Variants in PALMD observed in about 807,000 individuals in gnomAD.
The protein encoded by PALMD is paralemmin-like protein.
In PALMD, 42 loss-of-function variants were observed where a neutral mutation model predicts 56.2. The ratio of observed to expected loss-of-function variants is 0.75; its 90% CI spans 0.58 to 0.97. The LOEUF is 0.97. Among genes scored for constraint, PALMD ranks in the 50% least tolerant of loss-of-function variants. The pLI is 0.00. For synonymous variants in PALMD, 242 were observed against 222.9 expected (o/e 1.09, Z -0.76); for missense variants, 660 against 643.8 (o/e 1.03, Z -0.27).
At position 99,683,142 on chromosome 1, in the gene PALMD, GAAAGAAAGAAAGAAAGAAAGAAAGAAAC is replaced by G. The variant is rs1557674075; in HGVS notation, c.252-3533_252-3506del. 8.4e-4 allele frequency: 104 copies of G among 123,624 alleles called. 2 individuals carry two copies. The highest frequency in any genetic ancestry group is 4.4e-3 in the Middle Eastern group (1 of 226). The allele number at this position is 123,624 out of a possible 1,614,324, so 7.7% of individuals were successfully genotyped here. A position where few individuals can be genotyped will look rare whatever the true frequency, so the allele number is the denominator to read the frequency against. ...AGAAAGAAAGAAAGAAAGAAAGAAA[GAAAGAAAGAAAGAAAGAAAGAAAGAAAC>G]GAACACCCTATGAAGTTGTTAACAT... On this transcript the variant is annotated intron_variant, in intron 3 of 7. Transcript: ENST00000263174.
In PALMD at chr1:99,687,111, C is replaced by A; in HGVS notation, c.436C>A (p.Leu146Ile). The part of the protein sequence containing the change: ...IEDIYANIPD[L>I]PKSYIPSRLR... ...GGACATCTATGCTAATATCCCTGAC[C>A]TTCCAAAGTCCTACATACCTTCTAG... Residue 146 changes from leucine (L) to isoleucine (I), a missense_variant, in exon 6 of 8, where the codon CTT becomes ATT. Leu to Ile is a conservative substitution (Grantham distance 5). Coordinates refer to ENST00000263174, the MANE Select transcript of PALMD (RefSeq NM_017734.5). 1 of 1,604,140 alleles carries A rather than the reference C, an allele frequency of 6.2e-7. No individual in the cohort carries two copies. Among genetic ancestry groups the A allele is most frequent in the South Asian group, 1.1e-5 (1 of 90,642 alleles).
Position 99,689,000 on chromosome 1 carries a change from CAG to C in PALMD, c.746_747del (p.Arg249LysfsTer3), listed in dbSNP as rs778520488. The C allele has an allele frequency of 1.9e-6, 3 of 1,613,728 alleles. No individual in the cohort carries two copies. In the South Asian group the frequency reaches 3.3e-5, roughly 18 times the overall value. ...GTAGAGGAACTTCTAAGACAAGCCT[CAG>C]AGAGAAACTCTAAATCCCCAACAGA... On this transcript the variant is annotated frameshift_variant, in exon 7 of 8. Coordinates refer to ENST00000263174, the MANE Select transcript of PALMD (RefSeq NM_017734.5). LOFTEE classifies it high-confidence loss of function.
At chr1:99,687,028 A>ATAAT in intron 5 of PALMD, 48 bp from the exon 6 acceptor site, 1 of 1,515,810 alleles carries the variant, frequency 6.6e-7, no homozygotes, top group Non-Finnish European at 9.1e-7. Context: ...AATTGTTCCC[A>ATAAT]TTGTAAATAT....
chr1:99,669,599 A>T (rs540016633), intron 3 of PALMD: 2 of 152,358 alleles, frequency 1.3e-5, no homozygotes, highest in African/African-American at 4.8e-5. Flanking sequence ...CACACTGAAC[A>T]CCTACAACTT....
chr1:99,668,511 G>T (rs1653017088), intron 3 of PALMD: 1 of 152,168 alleles, frequency 6.6e-6, no homozygotes, highest in Non-Finnish European at 1.5e-5. Context: ...TAGGACAGGT[G>T]ACAAGTCTAC....
intron 3 of PALMD, chr1:99,685,005 C>G (rs1653454649): frequency 6.6e-6 from 1 of 152,182 alleles, no homozygotes; most frequent in Non-Finnish European, 1.5e-5. Context: ...CTGTCTCTAA[C>G]AGGCAAATTA....
At chr1:99,658,160 C>T (rs1267811658) in intron 1 of PALMD, among the ~76,000 whole-genome samples, 3 of 151,790 alleles carry the variant, frequency 2.0e-5, no homozygotes, top group Non-Finnish European at 4.4e-5. Flanking sequence ...AAAAATTACC[C>T]GGGCATGGTG....
chr1:99,669,022 T>C (rs1653029558), intron 3 of PALMD: 1 of 152,228 alleles, frequency 6.6e-6, no homozygotes, highest in South Asian at 2.1e-4. Flanking sequence ...TAGTGAGGAC[T>C]GTAGAAAAGA....
At chr1:99,650,755 C>T (rs1027880049) in intron 1 of PALMD, among the ~76,000 whole-genome samples, 11 of 152,146 alleles carry the variant, frequency 7.2e-5, no homozygotes, top group African/African-American at 2.7e-4. Context: ...AGCATGATGA[C>T]CTGGGTGACT....
chr1:99,662,201 T>A, intron 1 of PALMD, 118 bp from the exon 2 acceptor site: 1 of 646,954 alleles, frequency 1.5e-6, no homozygotes, highest in South Asian at 1.9e-5. Context: ...CCAAAGCAGC[T>A]TCACACCAAT....
At chr1:99,646,818 T>G (rs1260388868) in intron 1 of PALMD, among the ~76,000 whole-genome samples, 6 of 152,188 alleles carry the variant, frequency 3.9e-5, no homozygotes, top group Non-Finnish European at 7.3e-5. Flanking sequence ...ACTTTATATT[T>G]GTAGTGTGGT....
chr1:99,667,872 A>G (rs1394645110), intron 3 of PALMD, 106 bp downstream of exon 3: 7 of 1,065,746 alleles, frequency 6.6e-6, no homozygotes, highest in African/African-American at 1.6e-5. Context: ...CAAATCTTCC[A>G]TTTGAATTTC....
Position 99,689,771 on chromosome 1 carries a change from T to C in PALMD, c.1511T>C (p.Ile504Thr), listed in dbSNP as rs771317466. ...CATAAATCCCCCCACAAAAATTCCA[T>C]ATCTCTGAAAGAGCAAGAAGAAAGC... is the stretch of plus-strand genomic sequence containing the variant. Reference protein sequence around the residue: ...TNHKSPHKNSISLKEQEESLG... With the variant: ...TNHKSPHKNSTSLKEQEESLG... Residue 504 changes from isoleucine (I) to threonine (T), a missense_variant, in exon 7 of 8, where the codon ATA becomes ACA. Transcript: ENST00000263174. The C allele has an allele frequency of 3.7e-6, 6 of 1,613,838 alleles. No homozygotes were observed. The highest frequency in any genetic ancestry group is 5.1e-6 in the Non-Finnish European group (6 of 1,179,844).
intron 3 of PALMD, among the ~76,000 whole-genome samples, chr1:99,670,502 C>T (rs1435733775): frequency 6.6e-6 from 1 of 152,080 alleles, no homozygotes; most frequent in Non-Finnish European, 1.5e-5. Flanking sequence ...AGACTTAGAT[C>T]TCAAAGCAAG....
intron 3 of PALMD, among the ~76,000 whole-genome samples, chr1:99,681,335 C>G (rs949347564): frequency 6.6e-5 from 10 of 151,944 alleles, no homozygotes; most frequent in African/African-American, 2.4e-4. Context: ...ATATATTTTC[C>G]CAATACTTCA....
chr1:99,684,500 G>C (rs1202109672), intron 3 of PALMD: 1 of 151,770 alleles, frequency 6.6e-6, no homozygotes, highest in Non-Finnish European at 1.5e-5. Context: ...AAGAATGAAT[G>C]AATAAAGACA....
chr1:99,682,007 ACTT>A (rs1433217428), intron 3 of PALMD, among the ~76,000 whole-genome samples: 10 of 152,124 alleles, frequency 6.6e-5, no homozygotes, highest in Admixed American at 3.3e-4. Context: ...GCTACTGCTG[ACTT>A]CTGACCAAGT....
At chr1:99,669,927 G>A (rs1048662205) in intron 3 of PALMD, 1 of 152,214 alleles carries the variant, frequency 6.6e-6, no homozygotes, top group African/African-American at 2.4e-5. Flanking sequence ...GTGAGGGTAG[G>A]TATTATTACC....
At chr1:99,679,014 GT>G (rs1653280194) in intron 3 of PALMD, among the ~76,000 whole-genome samples, 1 of 151,930 alleles carries the variant, frequency 6.6e-6, no homozygotes, top group African/African-American at 2.4e-5. Flanking sequence ...AATGTTGGGG[GT>G]GGGGGTTTGG....
Sources: gnomAD v4.1 joint callset for allele counts (sites outside exome capture counted in the v4.1 genomes callset) on GRCh38, gnomAD v4.1.1 for gene constraint, MANE v1.5 for transcripts, NCBI Gene and HGNC (gene_info 2026-07-23, HGNC 2026-07-21) for gene names.